RTF1: variants seen among roughly 807,000 people sequenced by gnomAD.
The protein encoded by RTF1 is RTF1 homolog, Paf1/RNA polymerase II complex component, also known as RNA polymerase-associated protein RTF1 homolog.
In RTF1, 10 loss-of-function variants were observed where a neutral mutation model predicts 95.7. That is an observed-to-expected ratio of 0.10 (90% CI 0.06 to 0.18). The LOEUF (loss-of-function observed/expected upper bound fraction) is 0.18. RTF1 is among the 10% of genes least tolerant of loss of function. The probability of loss-of-function intolerance (pLI) is 1.00; values close to 1 mark genes in which losing one functional copy is unlikely to be tolerated. For synonymous variants in RTF1, 305 were observed against 311.8 expected (o/e 0.98, Z 0.23); for missense variants, 458 against 875.6 (o/e 0.52, Z 6.02).
intron 4 of RTF1, among the ~76,000 whole-genome samples, chr15:41,464,083 C>T (rs1023832116): frequency 2.6e-5 from 4 of 151,136 alleles, no homozygotes; most frequent in Non-Finnish European, 5.9e-5. Flanking sequence ...ATCTCCTGAC[C>T]TCGTGATCCG....
intron 10 of RTF1, 30 bp downstream of exon 10, chr15:41,475,642 T>C: frequency 6.2e-7 from 1 of 1,604,214 alleles, no homozygotes; most frequent in Non-Finnish European, 8.5e-7. Context: ...CTAGCAGTTG[T>C]TCGTGCACGT....
intron 12 of RTF1, 62 bp downstream of exon 12, chr15:41,476,585 T>G (rs1414845390): frequency 2.1e-6 from 3 of 1,447,194 alleles, no homozygotes; most frequent in Non-Finnish European, 2.9e-6. Context: ...ATCAAACTTG[T>G]TCATCCTCTG....
chr15:41,459,861 C>T (rs1418023444), intron 4 of RTF1, among the ~76,000 whole-genome samples: 1 of 152,226 alleles, frequency 6.6e-6, no homozygotes, highest in South Asian at 2.1e-4. Flanking sequence ...TTCCTTATCT[C>T]CTAACAGAAT....
At chr15:41,480,411 G>C in intron 17 of RTF1, 86 bp downstream of exon 17, 3 of 1,056,836 alleles carry the variant, frequency 2.8e-6, no homozygotes, top group African/African-American at 1.6e-5. Flanking sequence ...CACTTTTAGG[G>C]AAGAAAGGGG....
At chr15:41,453,839 A>T (rs2050799897) in intron 3 of RTF1, among the ~76,000 whole-genome samples, 2 of 152,198 alleles carry the variant, frequency 1.3e-5, no homozygotes, top group South Asian at 2.1e-4. Context: ...TAAAAATTTT[A>T]AAAACATTTT....
intron 2 of RTF1, among the ~76,000 whole-genome samples, chr15:41,445,163 C>CT (rs1359661558): frequency 6.6e-6 from 1 of 151,998 alleles, no homozygotes; most frequent in African/African-American, 2.4e-5. Context: ...TCTTGATCTC[C>CT]TGACCTCGTG....
intron 1 of RTF1, among the ~76,000 whole-genome samples, chr15:41,419,407 A>G (rs1042843072): frequency 3.3e-5 from 5 of 152,338 alleles, no homozygotes; most frequent in African/African-American, 1.2e-4. Flanking sequence ...ACTCACAACT[A>G]GTAAGTGGTA....
At chr15:41,468,591 A>C (rs901991538) in intron 6 of RTF1, among the ~76,000 whole-genome samples, 1 of 152,202 alleles carries the variant, frequency 6.6e-6, no homozygotes, top group East Asian at 1.9e-4. Flanking sequence ...TGCTGGGATT[A>C]CAGGTGTGAG....
At chr15:41,431,726 T>C (rs944232828) in intron 1 of RTF1, among the ~76,000 whole-genome samples, 1 of 152,066 alleles carries the variant, frequency 6.6e-6, no homozygotes, top group Non-Finnish European at 1.5e-5. Flanking sequence ...CTCGAATTCC[T>C]GGGCTCAAAC....
chr15:41,433,703 A>G (rs1038514153), intron 1 of RTF1, among the ~76,000 whole-genome samples: 8 of 152,298 alleles, frequency 5.3e-5, no homozygotes, highest in African/African-American at 1.9e-4. Flanking sequence ...GTATTACTAT[A>G]TAACCCAGCA....
intron 1 of RTF1, among the ~76,000 whole-genome samples, chr15:41,432,112 T>C (rs2050677974): frequency 6.6e-6 from 1 of 151,598 alleles, no homozygotes; most frequent in East Asian, 1.9e-4. Context: ...CTATTGTTAA[T>C]ATGGTATTTA....
chr15:41,439,995 G>T (rs2050724403), intron 2 of RTF1, among the ~76,000 whole-genome samples: 1 of 152,076 alleles, frequency 6.6e-6, no homozygotes, highest in Non-Finnish European at 1.5e-5. Flanking sequence ...GTAATTACTT[G>T]CAGAGAAGCC....
chr15:41,480,435 C>A, intron 17 of RTF1, 110 bp downstream of exon 17: 3 of 975,290 alleles, frequency 3.1e-6, no homozygotes, highest in Non-Finnish European at 4.9e-6. Context: ...GCTGGCTCAT[C>A]AGCATCCACA....
chr15:41,456,067 G>C (rs1372628689), intron 3 of RTF1, among the ~76,000 whole-genome samples: 4 of 151,946 alleles, frequency 2.6e-5, no homozygotes, highest in African/African-American at 9.7e-5. Context: ...TTAGCCGGGC[G>C]TGGTGGCATG....
At chr15:41,439,755 G>A (rs924033485) in intron 2 of RTF1, among the ~76,000 whole-genome samples, 2 of 151,962 alleles carry the variant, frequency 1.3e-5, no homozygotes, top group South Asian at 2.1e-4. Flanking sequence ...GGGTTCAAGC[G>A]ATTCTCCTGC....
At chr15:41,424,739 A>G (rs569584629) in intron 1 of RTF1, among the ~76,000 whole-genome samples, 22 of 152,320 alleles carry the variant, frequency 1.4e-4, no homozygotes, top group African/African-American at 5.0e-4. Flanking sequence ...GGCCAGGCGC[A>G]GTGGCTCACG....
chr15:41,480,753 C>T lies in RTF1; in HGVS notation c.*66C>T. The T allele has an allele frequency of 1.7e-6, 2 of 1,189,446 alleles. No homozygotes were observed. Among genetic ancestry groups the T allele is most frequent in the Admixed American group, 3.5e-5 (2 of 56,354 alleles). 73.7% of individuals were successfully genotyped at this position (1,189,446 alleles called of 1,614,324 possible). On this transcript the variant is annotated 3_prime_UTR_variant, in exon 18 of 18. Transcript: ENST00000389629. The stretch of plus-strand genomic sequence containing the variant: ...GCAGCGTCCCACCTTTCCTCCTTTC[C>T]TTTGATTTAGCCTCTTTGGGCTGGA...
At chr15:41,459,533 T>A (rs1372199321) in intron 4 of RTF1, among the ~76,000 whole-genome samples, 3 of 152,220 alleles carry the variant, frequency 2.0e-5, no homozygotes, top group Non-Finnish European at 4.4e-5. Flanking sequence ...TGGGAACACA[T>A]CAAATGATAT....
intron 3 of RTF1, among the ~76,000 whole-genome samples, chr15:41,454,434 A>G (rs1028785003): frequency 6.6e-6 from 1 of 152,154 alleles, no homozygotes; most frequent in Non-Finnish European, 1.5e-5. Flanking sequence ...AATAAAAAAG[A>G]AATTATAGGG....
Sources: allele counts gnomAD v4.1 joint callset (sites outside exome capture counted in the v4.1 genomes callset), GRCh38; gene constraint gnomAD v4.1.1; transcripts MANE v1.5; gene names NCBI Gene and HGNC (gene_info 2026-07-23, HGNC 2026-07-21).